The following DLGAP1 variants were observed in gnomAD, a reference collection of about 807,000 sequenced individuals.
DLGAP1 encodes the protein DLG associated protein 1, also known as disks large-associated protein 1.
In DLGAP1, 11 loss-of-function variants were observed where a neutral mutation model predicts 90.8. The ratio of observed to expected loss-of-function variants is 0.12; its 90% CI spans 0.08 to 0.20. The LOEUF (loss-of-function observed/expected upper bound fraction) is 0.20, where lower values mean the gene tolerates loss of function less well. DLGAP1 is among the 10% of genes least tolerant of loss of function. DLGAP1 has a pLI of 1.00. For missense variants in DLGAP1, 1,050 were observed against 1,333.8 expected (o/e 0.79, Z 3.31); for synonymous variants, 558 against 540.7 (o/e 1.03, Z -0.44).
chr18:3,935,372 T>C (rs141431082), intron 3 of DLGAP1, among the ~76,000 whole-genome samples: 1,851 of 152,350 alleles, frequency 0.012, 13 homozygotes, highest in Admixed American at 0.021. Context: ...TAGGATACCA[T>C]TGAATAGTCT....
chr18:3,709,127 A>G (rs1278911592), intron 7 of DLGAP1, among the ~76,000 whole-genome samples: 1 of 152,198 alleles, frequency 6.6e-6, no homozygotes, highest in African/African-American at 2.4e-5. Context: ...AAGTGCTCCT[A>G]TAAATATACA....
intron 7 of DLGAP1, among the ~76,000 whole-genome samples, chr18:3,590,426 T>C (rs540825972): frequency 6.6e-6 from 1 of 152,300 alleles, no homozygotes; most frequent in African/African-American, 2.4e-5. Context: ...CTGTGGATTT[T>C]CTTCAATCAG....
At chr18:4,103,985 G>A (rs544584825) in intron 2 of DLGAP1, among the ~76,000 whole-genome samples, 1 of 152,200 alleles carries the variant, frequency 6.6e-6, no homozygotes, top group Non-Finnish European at 1.5e-5. Flanking sequence ...ACATTTACAA[G>A]TGAGACTGAC....
At chr18:4,295,051 G>C (rs2079944288) in intron 1 of DLGAP1, 1 of 152,226 alleles carries the variant, frequency 6.6e-6, no homozygotes, top group Non-Finnish European at 1.5e-5. Context: ...ACGGGTACAG[G>C]ACAGGGTGTG....
intron 2 of DLGAP1, among the ~76,000 whole-genome samples, chr18:4,083,487 C>T (rs1370601157): frequency 2.6e-5 from 4 of 152,106 alleles, no homozygotes; most frequent in South Asian, 2.1e-4. Flanking sequence ...TTTATATATG[C>T]GTCAGTATAT....
intron 7 of DLGAP1, among the ~76,000 whole-genome samples, chr18:3,639,411 C>A (rs2058843238): frequency 8.2e-6 from 1 of 122,350 alleles, no homozygotes; most frequent in African/African-American, 3.7e-5. Flanking sequence ...GAAAAATCCC[C>A]AAAGCTGTGA....
intron 1 of DLGAP1, among the ~76,000 whole-genome samples, chr18:4,365,391 C>T (rs897934667): frequency 2.0e-5 from 3 of 152,008 alleles, no homozygotes; most frequent in African/African-American, 7.2e-5. Flanking sequence ...TTACTGGTTG[C>T]CTAGGGCTTG....
intron 1 of DLGAP1, among the ~76,000 whole-genome samples, chr18:4,230,729 C>A (rs1401417432): frequency 6.7e-6 from 1 of 148,854 alleles, no homozygotes; most frequent in African/African-American, 2.5e-5. Flanking sequence ...AGGGTGACTA[C>A]AGTCAATAAT....
At chr18:4,184,267 C>T (rs1251325042) in intron 1 of DLGAP1, among the ~76,000 whole-genome samples, 1 of 152,054 alleles carries the variant, frequency 6.6e-6, no homozygotes, top group South Asian at 2.1e-4. Context: ...AACCAAAACC[C>T]CTTGGGACGA....
At chr18:3,817,980 T>C (rs1020500060) in intron 4 of DLGAP1, among the ~76,000 whole-genome samples, 2 of 152,200 alleles carry the variant, frequency 1.3e-5, no homozygotes, top group African/African-American at 4.8e-5. Flanking sequence ...CAGGTCCTCA[T>C]TGATTTCAGG....
chr18:4,316,797 G>A (rs551017062), intron 1 of DLGAP1, among the ~76,000 whole-genome samples: 8 of 152,272 alleles, frequency 5.3e-5, no homozygotes, highest in South Asian at 4.1e-4. Context: ...TCCTGAGTCC[G>A]GTTACTGACT....
chr18:3,587,165 C>T (rs2055935768), intron 7 of DLGAP1, among the ~76,000 whole-genome samples: 1 of 152,188 alleles, frequency 6.6e-6, no homozygotes, highest in South Asian at 2.1e-4. Context: ...AGCAATTCTC[C>T]TGCCTCAGCC....
At chr18:4,112,582 G>T (rs1467842303) in intron 2 of DLGAP1, among the ~76,000 whole-genome samples, 1 of 152,022 alleles carries the variant, frequency 6.6e-6, no homozygotes, top group Non-Finnish European at 1.5e-5. Flanking sequence ...GTTGTATTTT[G>T]GGGTTGCATT....
intron 1 of DLGAP1, among the ~76,000 whole-genome samples, chr18:4,436,429 A>G (rs1204007336): frequency 6.6e-6 from 1 of 152,014 alleles, no homozygotes; most frequent in Non-Finnish European, 1.5e-5. Context: ...CTAGGGCCTG[A>G]GAATATACAT....
chr18:4,337,098 A>T, intron 1 of DLGAP1, among the ~76,000 whole-genome samples: 1 of 148,290 alleles, frequency 6.7e-6, no homozygotes, highest in East Asian at 2.1e-4. Flanking sequence ...TGGGCGACAG[A>T]GTGAGACTCC....
chr18:3,655,920 G>A, intron 7 of DLGAP1: 1 of 653,512 alleles, frequency 1.5e-6, no homozygotes, highest in African/African-American at 1.8e-5. Flanking sequence ...TGAGAGCTTT[G>A]CAGCATAAAA....
intron 2 of DLGAP1, among the ~76,000 whole-genome samples, chr18:4,006,140 T>C (rs181061212): frequency 2.0e-5 from 3 of 152,224 alleles, no homozygotes; most frequent in African/African-American, 7.2e-5. Flanking sequence ...TAATGCCTAA[T>C]GATGGACAGT....
chr18:3,502,400 G>T, intron 12 of DLGAP1, 93 bp downstream of exon 12: 3 of 1,556,198 alleles, frequency 1.9e-6, no homozygotes, highest in Non-Finnish European at 2.6e-6. Context: ...ATTTCACATT[G>T]TAAACAGCAG....
chr18:3,798,392 GGGAA>G (rs1188040769), intron 5 of DLGAP1, among the ~76,000 whole-genome samples: 2 of 152,180 alleles, frequency 1.3e-5, no homozygotes, highest in African/African-American at 4.8e-5. Context: ...GGGTCAATGA[GGGAA>G]GGAAGTACCT....
Sources: allele counts gnomAD v4.1 joint callset (sites outside exome capture counted in the v4.1 genomes callset), GRCh38; gene constraint gnomAD v4.1.1; transcripts MANE v1.5; gene names NCBI Gene and HGNC (gene_info 2026-07-23, HGNC 2026-07-21).